Variants in BRINP2 observed in about 807,000 individuals in gnomAD.
BRINP2 encodes BMP/retinoic acid-inducible neural-specific protein 2.
A neutral mutation model predicts 69.2 loss-of-function variants in BRINP2; 21 were observed. The observed-to-expected ratio is 0.30, with a 90% CI of 0.22 to 0.44. The LOEUF is 0.44. Among genes scored for constraint, BRINP2 ranks in the 20% least tolerant of loss-of-function variants. The probability of loss-of-function intolerance (pLI) is 1.00; values close to 1 mark genes in which losing one functional copy is unlikely to be tolerated. For missense variants in BRINP2, 877 were observed against 986.0 expected, an observed-to-expected ratio of 0.89 and a Z score of 1.48; for synonymous variants, 380 against 394.1, an observed-to-expected ratio of 0.96 and a Z score of 0.42.
intron 2 of BRINP2, among the ~76,000 whole-genome samples, chr1:177,250,437 C>A (rs1352120600): frequency 6.6e-6 from 1 of 152,198 alleles, no homozygotes; most frequent in Non-Finnish European, 1.5e-5. Flanking sequence ...AATGATTCTC[C>A]TGCCTCAGCC....
At chr1:177,254,378 G>GCACACACACACACACACA (rs71565492) in intron 2 of BRINP2, among the ~76,000 whole-genome samples, 2 of 143,938 alleles carry the variant, frequency 1.4e-5, no homozygotes, top group African/African-American at 5.1e-5. Context: ...AAGCACACAT[G>GCACACACACACACACACA]CACACACACA....
rs748467018 is a variant in BRINP2 at position 177,225,131 on chromosome 1, G to T, written c.-76-4670G>T. ...TCAGCTGGGTAATAATCTGAGAGTG[G>T]TAGAGACACGATTCCTATAAGCTCT... On this transcript the variant is annotated intron_variant, in intron 1 of 7. Transcript: ENST00000361539. Among the ~76,000 whole-genome samples, 4 of 152,320 alleles carry T rather than the reference G, an allele frequency of 2.6e-5. No homozygotes were observed. In the South Asian group the frequency reaches 8.3e-4, roughly 32 times the overall value.
chr1:177,257,445 C>G, intron 4 of BRINP2, 61 bp downstream of exon 4: 1 of 1,460,542 alleles, frequency 6.8e-7, no homozygotes, highest in African/African-American at 1.4e-5. Flanking sequence ...CAGGGGGAGG[C>G]CAGAGCCTCA....
chr1:177,180,003 T>C (rs1648200409), intron 1 of BRINP2, among the ~76,000 whole-genome samples: 1 of 152,162 alleles, frequency 6.6e-6, no homozygotes, highest in South Asian at 2.1e-4. Context: ...TCTGAATGAA[T>C]ATCTCTTATA....
chr1:177,260,847 A>G (rs1392253863), intron 4 of BRINP2, among the ~76,000 whole-genome samples: 3 of 152,216 alleles, frequency 2.0e-5, no homozygotes, highest in Non-Finnish European at 4.4e-5. Flanking sequence ...AAACCAAAAA[A>G]TGTGCATGAC....
chr1:177,280,461 G>A lies in BRINP2; in HGVS notation c.1285G>A (p.Glu429Lys), dbSNP rs1418455034. The A allele has an allele frequency of 6.2e-7, 1 of 1,613,958 alleles. No homozygotes were observed. Among genetic ancestry groups the A allele is most frequent in the East Asian group, 2.2e-5 (1 of 44,888 alleles). Residue 429 changes from glutamate to lysine, a missense_variant, in exon 8 of 8, where the codon GAA (glutamate) becomes AAA (lysine). Transcript: ENST00000361539. ...AATCCAGTCCCTCCTCTACTGTGGG[G>A]AAAGCACCTTTCCTGGCACTTTCCT... The part of the protein sequence containing the change: ...NRIQSLLYCG[E>K]STFPGTFLEQ...
intron 1 of BRINP2, among the ~76,000 whole-genome samples, chr1:177,201,138 C>T (rs749957438): frequency 7.2e-5 from 11 of 152,022 alleles, no homozygotes; most frequent in Non-Finnish European, 1.2e-4. Context: ...CAATGAAGAA[C>T]TTATCCATAT....
chr1:177,275,710 C>T (rs1019021741), intron 5 of BRINP2, among the ~76,000 whole-genome samples: 17 of 152,116 alleles, frequency 1.1e-4, no homozygotes, highest in Non-Finnish European at 2.4e-4. Context: ...GGTGGGGAGG[C>T]CCAGAAGGGT....
Position 177,229,992 on chromosome 1 carries a change from C to T in BRINP2, c.116C>T (p.Ala39Val). 1 of 1,613,452 alleles carries T rather than the reference C, an allele frequency of 6.2e-7. No homozygotes were observed. Among genetic ancestry groups the T allele is most frequent in the Non-Finnish European group, 8.5e-7 (1 of 1,179,902 alleles). ...GWVLAVSATAAAVVPEQHASV... is the reference protein window; with the variant it reads ...GWVLAVSATAVAVVPEQHASV... ...GTGTTGGCTGTCTCAGCCACGGCGG[C>T]TGCTGTGGTCCCCGAGCAGCATGCC... The change falls in exon 2 of 8, where the codon GCT (alanine) becomes GTT (valine). Residue 39 changes from alanine to valine, a missense_variant. Coordinates refer to ENST00000361539, the MANE Select transcript of BRINP2 (RefSeq NM_021165.4).
At chr1:177,226,938 T>C (rs541277993) in intron 1 of BRINP2, among the ~76,000 whole-genome samples, 2 of 152,220 alleles carry the variant, frequency 1.3e-5, no homozygotes, top group Non-Finnish European at 2.9e-5. Flanking sequence ...CACTGTCTTC[T>C]AAAGGCTCAC....
chr1:177,257,159 C>T lies in BRINP2; in HGVS notation c.461-17C>T, dbSNP rs367769628. 6.2e-6 allele frequency: 10 copies of T among 1,612,898 alleles called. No homozygotes were observed. The African/African-American group carries it at 6.7e-5, about 11-fold the overall frequency. On this transcript the variant is annotated splice_polypyrimidine_tract_variant and intron_variant, in intron 3 of 7. Transcript: ENST00000361539. ...GAGCAGAGAGCGTCACCAATACACT[C>T]GTGTTGTTCACCATAGGAGAAGAGT... is the stretch of plus-strand genomic sequence containing the variant.
intron 1 of BRINP2, among the ~76,000 whole-genome samples, chr1:177,217,947 G>C (rs1478994541): frequency 6.6e-6 from 1 of 152,196 alleles, no homozygotes; most frequent in Admixed American, 6.5e-5. Flanking sequence ...GTTGACCAAG[G>C]TTGCAGAAGA....
intron 1 of BRINP2, among the ~76,000 whole-genome samples, chr1:177,193,721 C>T (rs1055727530): frequency 1.3e-5 from 2 of 152,132 alleles, no homozygotes; most frequent in African/African-American, 2.4e-5. Context: ...CCGCACATGC[C>T]CTTACTGCAG....
At chr1:177,255,422 G>T (rs961375082) in intron 2 of BRINP2, among the ~76,000 whole-genome samples, 1 of 152,172 alleles carries the variant, frequency 6.6e-6, no homozygotes, top group Non-Finnish European at 1.5e-5. Flanking sequence ...CAAATATGGG[G>T]ATTCAATAAT....
intron 4 of BRINP2, among the ~76,000 whole-genome samples, chr1:177,260,447 T>C (rs1354593798): frequency 6.6e-6 from 1 of 152,212 alleles, no homozygotes; most frequent in Admixed American, 6.5e-5. Context: ...GTGGCAGGGA[T>C]TCAGAGGATT....
intron 1 of BRINP2, among the ~76,000 whole-genome samples, chr1:177,205,887 C>A (rs1649058302): frequency 6.6e-6 from 1 of 152,194 alleles, no homozygotes; most frequent in South Asian, 2.1e-4. Context: ...GGTATTCGCA[C>A]CCTTGCATAG....
intron 2 of BRINP2, among the ~76,000 whole-genome samples, chr1:177,231,954 T>G (rs187894428): frequency 2.8e-4 from 43 of 152,276 alleles, no homozygotes; most frequent in African/African-American, 9.9e-4. Context: ...AGGGTGACCT[T>G]CCCTTTATTA....
chr1:177,191,734 G>A (rs1009218328), intron 1 of BRINP2, among the ~76,000 whole-genome samples: 8 of 152,160 alleles, frequency 5.3e-5, no homozygotes, highest in South Asian at 2.1e-4. Context: ...GATTACAGGC[G>A]TGAGCCACCA....
intron 1 of BRINP2, among the ~76,000 whole-genome samples, chr1:177,211,709 G>T (rs1232985099): frequency 1.3e-5 from 2 of 151,878 alleles, no homozygotes; most frequent in Non-Finnish European, 2.9e-5. Flanking sequence ...TTTTATTTGG[G>T]TTATTACTGG....
Sources: gnomAD v4.1 joint callset for allele counts (sites outside exome capture counted in the v4.1 genomes callset) on GRCh38, gnomAD v4.1.1 for gene constraint, MANE v1.5 for transcripts, NCBI Gene and HGNC (gene_info 2026-07-23, HGNC 2026-07-21) for gene names.